The following PALM2AKAP2 variants were observed in gnomAD, a reference collection of about 807,000 sequenced individuals.
PALM2AKAP2 encodes PALM2 and AKAP2 fusion, also known as PALM2-AKAP2 fusion protein.
PALM2AKAP2 carries 37 observed loss-of-function variants against 71.5 expected under a neutral mutation model. The observed-to-expected ratio is 0.52, with a 90% CI of 0.40 to 0.68. PALM2AKAP2 has a LOEUF of 0.68. PALM2AKAP2 is among the 30% of genes least tolerant of loss of function. The pLI, the probability that PALM2AKAP2 is intolerant of heterozygous loss-of-function variation, is 0.00. For missense variants in PALM2AKAP2, 1,224 were observed against 1,191.8 expected (o/e 1.03, Z -0.40); for synonymous variants, 468 against 478.8 (o/e 0.98, Z 0.29).
chr9:109,892,126 A>C (rs114356971), intron 3 of PALM2AKAP2, among the ~76,000 whole-genome samples: 1 of 152,158 alleles, frequency 6.6e-6, no homozygotes, highest in Non-Finnish European at 1.5e-5. Context: ...CGTGGCTTAA[A>C]ACAGCTCCAG....
At chr9:109,801,823 C>T (rs1827439181) in intron 1 of PALM2AKAP2, among the ~76,000 whole-genome samples, 2 of 152,168 alleles carry the variant, frequency 1.3e-5, no homozygotes, top group South Asian at 4.2e-4. Context: ...TGGTACTTGG[C>T]CTGCAGGAAG....
At chr9:109,969,704 G>A (rs577089708) in intron 6 of PALM2AKAP2, among the ~76,000 whole-genome samples, 2 of 152,290 alleles carry the variant, frequency 1.3e-5, no homozygotes, top group Non-Finnish European at 1.5e-5. Flanking sequence ...TTGGAGACAG[G>A]AGCCTTGGCA....
At position 109,854,394 on chromosome 9, in the gene PALM2AKAP2, C is replaced by T. The variant is rs139911194; in HGVS notation, c.46-13097C>T. 8.0e-3 allele frequency among the ~76,000 whole-genome samples: 1,217 copies of T among 152,330 alleles called. 14 individuals are homozygous for T. The highest frequency in any genetic ancestry group is 0.012 in the Non-Finnish European group (792 of 68,032). On this transcript the variant is annotated intron_variant, in intron 1 of 9. Transcript: ENST00000302798. Reference sequence around the variant, plus strand: ...TTCCGAGCCTCTCAGAAACATCCCTCTGGCCACAGGCAACTGTCACTGGTG... The same window carrying T: ...TTCCGAGCCTCTCAGAAACATCCCTTTGGCCACAGGCAACTGTCACTGGTG...
intron 1 of PALM2AKAP2, among the ~76,000 whole-genome samples, chr9:110,063,746 A>C (rs1834015534): frequency 6.6e-6 from 1 of 152,150 alleles, no homozygotes; most frequent in African/African-American, 2.4e-5. Context: ...GCTTGGCTCA[A>C]ATTTCCTCTT....
intron 1 of PALM2AKAP2, among the ~76,000 whole-genome samples, chr9:110,125,928 T>C (rs912759481): frequency 6.6e-6 from 1 of 152,170 alleles, no homozygotes; most frequent in African/African-American, 2.4e-5. Context: ...TCTGTGAGAA[T>C]CTGTGTGCCC....
At chr9:109,833,471 G>A (rs543536447) in intron 1 of PALM2AKAP2, among the ~76,000 whole-genome samples, 1 of 152,190 alleles carries the variant, frequency 6.6e-6, no homozygotes, top group Non-Finnish European at 1.5e-5. Flanking sequence ...TTGGCATGGA[G>A]CTCCCAGTCC....
intron 1 of PALM2AKAP2, among the ~76,000 whole-genome samples, chr9:109,791,831 C>T (rs920930574): frequency 3.9e-5 from 6 of 152,148 alleles, no homozygotes; most frequent in African/African-American, 1.4e-4. Flanking sequence ...CCTGGAAATC[C>T]AATTTTGAAG....
intron 1 of PALM2AKAP2, among the ~76,000 whole-genome samples, chr9:109,739,817 G>A (rs1023986515): frequency 2.0e-5 from 3 of 152,208 alleles, no homozygotes; most frequent in Non-Finnish European, 4.4e-5. Context: ...AGACACCCAA[G>A]GGAAGGGCTG....
At position 109,649,576 on chromosome 9, in the gene PALM2AKAP2, G is replaced by C. The variant is rs890460201; in HGVS notation, c.5+8710G>C. ...TATCAGAAAATTATCTGTATTTTTT[G>C]GGCTATTTTTCTGAAATGTATTTAT... is the stretch of plus-strand genomic sequence containing the variant. On this transcript the variant is annotated intron_variant, in intron 1 of 6. Coordinates refer to the PALM2AKAP2 transcript ENST00000374531. Among the ~76,000 whole-genome samples the C allele has an allele frequency of 3.9e-5, 6 of 152,026 alleles. No individual in the cohort carries two copies. In the East Asian group the frequency reaches 1.2e-3, roughly 29 times the overall value.
intron 3 of PALM2AKAP2, among the ~76,000 whole-genome samples, chr9:110,161,472 C>T (rs893387799): frequency 2.6e-5 from 4 of 152,104 alleles, no homozygotes; most frequent in Non-Finnish European, 5.9e-5. Flanking sequence ...CCTAAGTGCT[C>T]ATACTAATAA....
intron 5 of PALM2AKAP2, among the ~76,000 whole-genome samples, chr9:109,930,312 G>A (rs1410229092): frequency 2.6e-5 from 4 of 151,624 alleles, no homozygotes; most frequent in Non-Finnish European, 5.9e-5. Context: ...TGCAACCTCC[G>A]CCTCCTGGGT....
chr9:109,885,157 C>T (rs1487266618), intron 3 of PALM2AKAP2, among the ~76,000 whole-genome samples: 1 of 152,118 alleles, frequency 6.6e-6, no homozygotes. Flanking sequence ...AGTAACTGTA[C>T]AAGAAGTTCC....
chr9:110,057,379 TTG>T (rs1311777094), intron 1 of PALM2AKAP2, among the ~76,000 whole-genome samples: 2 of 129,430 alleles, frequency 1.5e-5, no homozygotes, highest in African/African-American at 3.1e-5. Flanking sequence ...TTTTTTTTTT[TTG>T]TTTTTTTGTT....
chr9:110,076,478 TCATATATATTCTA>T (rs1834323386), intron 1 of PALM2AKAP2, among the ~76,000 whole-genome samples: 1 of 134,042 alleles, frequency 7.5e-6, no homozygotes, highest in African/African-American at 2.9e-5. Context: ...TATAGGTATA[TCATATATATTCTA>T]CATATATATA....
intron 1 of PALM2AKAP2, among the ~76,000 whole-genome samples, chr9:110,076,507 A>ATATATATATATATATATATATATATATG (rs1834327479): frequency 6.9e-6 from 1 of 144,180 alleles, no homozygotes; most frequent in Non-Finnish European, 1.5e-5. Flanking sequence ...ATATATATAT[A>ATATATATATATATATATATATATATATG]TATAGGTATA....
At chr9:109,946,566 G>T (rs10759384) in intron 6 of PALM2AKAP2, 61,122 of 150,966 alleles carry the variant, frequency 0.4, 13,211 homozygotes, top group Non-Finnish European at 0.48. Context: ...GATGGCGCAT[G>T]CCTGTAATCC....
At chr9:109,842,938 C>T (rs890329804) in intron 1 of PALM2AKAP2, among the ~76,000 whole-genome samples, 10 of 151,854 alleles carry the variant, frequency 6.6e-5, no homozygotes, top group African/African-American at 2.2e-4. Context: ...GTCGGGAGTT[C>T]GAGACCAGAC....
At chr9:109,898,135 ATTG>A (rs973818885) in intron 3 of PALM2AKAP2, among the ~76,000 whole-genome samples, 5 of 152,332 alleles carry the variant, frequency 3.3e-5, no homozygotes, top group Admixed American at 6.5e-5. Flanking sequence ...CTTTGTTGTT[ATTG>A]TTGTTGTTGT....
chr9:109,907,814 C>T (rs530304378), intron 3 of PALM2AKAP2, among the ~76,000 whole-genome samples: 5 of 152,272 alleles, frequency 3.3e-5, no homozygotes, highest in African/African-American at 1.2e-4. Context: ...AAAACAAAAC[C>T]CAAGACAAAG....
Sources: allele counts gnomAD v4.1 joint callset (sites outside exome capture counted in the v4.1 genomes callset), GRCh38; gene constraint gnomAD v4.1.1; transcripts MANE v1.5; gene names NCBI Gene and HGNC (gene_info 2026-07-23, HGNC 2026-07-21).